The following SMAD7 variants were observed in gnomAD, a reference collection of about 807,000 sequenced individuals.
The protein encoded by SMAD7 is MAD (mothers against decapentaplegic, Drosophila) homolog 7.
In SMAD7, 8 loss-of-function variants were observed where a neutral mutation model predicts 38.7. That is an observed-to-expected ratio of 0.21 (90% CI 0.12 to 0.37). The LOEUF is 0.37. Ranked by LOEUF, SMAD7 falls within the 10% of genes least tolerant of loss-of-function variation. The pLI, the probability that SMAD7 is intolerant of heterozygous loss-of-function variation, is 1.00. For missense variants in SMAD7, 477 were observed against 577.9 expected, an observed-to-expected ratio of 0.83 and a Z score of 1.79; for synonymous variants, 327 against 265.1, an observed-to-expected ratio of 1.23 and a Z score of -2.27.
At chr18:48,924,666 C>T (rs2069904328) in intron 3 of SMAD7, among the ~76,000 whole-genome samples, 1 of 152,100 alleles carries the variant, frequency 6.6e-6, no homozygotes, top group Admixed American at 6.5e-5. Flanking sequence ...CATTTGGTGC[C>T]CTAACCCACC....
intron 3 of SMAD7, among the ~76,000 whole-genome samples, chr18:48,927,065 T>G (rs1360202573): frequency 6.6e-6 from 1 of 152,202 alleles, no homozygotes; most frequent in Non-Finnish European, 1.5e-5. Context: ...TAATCCACCA[T>G]GCTCACAGCC....
At chr18:48,922,916 A>G (rs1474812546) in intron 3 of SMAD7, among the ~76,000 whole-genome samples, 2 of 151,998 alleles carry the variant, frequency 1.3e-5, no homozygotes, top group Non-Finnish European at 2.9e-5. Context: ...TGGTAAGGTA[A>G]TTTTCCTCAA....
Position 48,921,090 on chromosome 18 carries a change from G to T in SMAD7, c.*282C>A. 1 of 453,654 alleles carries T rather than the reference G, an allele frequency of 2.2e-6. No individual in the cohort carries two copies. The highest frequency in any genetic ancestry group is 4.1e-5 in the East Asian group (1 of 24,452). 28.1% of individuals were successfully genotyped at this position (453,654 alleles called of 1,614,324 possible). ...CCCTTCATACACTGTGTTTGGTGGT[G>T]CTTGGATTTCTGCTTCCCCTCTTCC... On this transcript the variant is annotated 3_prime_UTR_variant, in exon 4 of 4. Transcript: ENST00000262158. This position sits in a 1 kb window ranked among gnomAD's most constrained non-coding sequence, Gnocchi z 6.4.
In SMAD7 at chr18:48,921,825, G is replaced by A. The variant is rs753336039; in HGVS notation, c.828C>T (p.Leu276=). The stretch of plus-strand genomic sequence containing the variant: ...CCAGAGAGGGCTCCTGGACACAGTA[G>A]AGCCTCCCCACTCTCGTCTTCTCCT... ...YWEEKTRVGR[L]YCVQEPSLDI... The change falls in exon 4 of 4, where the codon CTC becomes CTT. Residue 276 remains leucine (L), a synonymous_variant. Transcript: ENST00000262158. The surrounding 1 kb of genome is among the most constrained non-coding windows in gnomAD (Gnocchi z 6.4). The A allele has an allele frequency of 6.2e-7, 1 of 1,613,970 alleles. No individual in the cohort carries two copies. Among genetic ancestry groups the A allele is most frequent in the Non-Finnish European group, 8.5e-7 (1 of 1,179,950 alleles).
chr18:48,927,121 C>T (rs1166084130), intron 3 of SMAD7, among the ~76,000 whole-genome samples: 1 of 152,210 alleles, frequency 6.6e-6, no homozygotes, highest in Non-Finnish European at 1.5e-5. Context: ...TCAGACTCCT[C>T]AGGAAACACA....
At chr18:48,922,024 C>G (rs965489525) in intron 3 of SMAD7, 114 bp from the exon 4 acceptor site, 20 of 823,786 alleles carry the variant, frequency 2.4e-5, no homozygotes, top group Non-Finnish European at 3.4e-5. Flanking sequence ...CAGGACGAGA[C>G]AGAAAGAAGG....
intron 2 of SMAD7, 27 bp from the exon 3 acceptor site, chr18:48,942,582 GAAAT>G (rs2070153853): frequency 6.2e-7 from 1 of 1,613,448 alleles, no homozygotes; most frequent in South Asian, 1.1e-5. Flanking sequence ...GGGAGAGAAA[GAAAT>G]AAATACACAA....
intron 2 of SMAD7, among the ~76,000 whole-genome samples, chr18:48,947,321 G>T (rs1001486060): frequency 3.3e-5 from 5 of 152,216 alleles, no homozygotes; most frequent in African/African-American, 1.2e-4. Flanking sequence ...GTTCATTAAA[G>T]TATTTAATTT....
At chr18:48,923,036 T>C (rs2069882060) in intron 3 of SMAD7, among the ~76,000 whole-genome samples, 1 of 152,146 alleles carries the variant, frequency 6.6e-6, no homozygotes, top group African/African-American at 2.4e-5. Context: ...GCCTCAGACT[T>C]GGGACCATAA....
chr18:48,950,335 TC>T lies in SMAD7; in HGVS notation c.89del (p.Gly30GlufsTer63). 1 of 1,537,790 alleles carries T rather than the reference TC, an allele frequency of 6.5e-7. No homozygotes were observed. The highest frequency in any genetic ancestry group is 8.8e-7 in the Non-Finnish European group (1 of 1,141,978). On this transcript the variant is annotated frameshift_variant, in exon 1 of 4. Transcript: ENST00000262158. LOFTEE classifies it high-confidence loss of function. ...CCCGCAGCTCGCCTCCTCCTCCACC[TC>T]CCCCTGCGCCCTCCTCCTCGTCCTC... Reference protein sequence around the residue: ...GGEDEEEGAGGGGGGGELRGE... With the variant: ...GGEDEEEGAGXGGGGGELRGE...
intron 3 of SMAD7, among the ~76,000 whole-genome samples, chr18:48,931,927 G>T (rs537610000): frequency 1.3e-5 from 2 of 152,290 alleles, no homozygotes; most frequent in South Asian, 2.1e-4. Context: ...AAGGTGGGGG[G>T]GCTTCTGAGT....
At position 48,950,877 on chromosome 18, in the gene SMAD7, A is replaced by G. The variant is rs2070257103; in HGVS notation, c.-453T>C. Among the ~76,000 whole-genome samples, 1 of 151,582 alleles carries G rather than the reference A, an allele frequency of 6.6e-6. No individual in the cohort carries two copies. The highest frequency in any genetic ancestry group is 1.5e-5 in the Non-Finnish European group (1 of 67,906). ...AAGGTCCGCGGGGGCAAAAAACGAA[A>G]GGCGTTCGGCTGGGCTGTTGGAAGA... On this transcript the variant is annotated 5_prime_UTR_variant, in exon 1 of 4. Transcript: ENST00000262158.
intron 2 of SMAD7, among the ~76,000 whole-genome samples, chr18:48,945,592 G>A (rs759010309): frequency 2.0e-5 from 3 of 152,196 alleles, no homozygotes; most frequent in African/African-American, 7.2e-5. Context: ...TCATCATGCT[G>A]ATTTTAAAAG....
intron 2 of SMAD7, among the ~76,000 whole-genome samples, chr18:48,945,536 T>A (rs149721379): frequency 1.4e-3 from 214 of 152,296 alleles, no homozygotes; most frequent in African/African-American, 4.6e-3. Context: ...GTAAAATGAA[T>A]GACTGAACCA....
At position 48,950,550 on chromosome 18, in the gene SMAD7, G is replaced by C. The variant is rs1180936760; in HGVS notation, c.-126C>G. 5 of 887,714 alleles carry C rather than the reference G, an allele frequency of 5.6e-6. No homozygotes were observed. The highest frequency in any genetic ancestry group is 7.9e-6 in the Non-Finnish European group (5 of 635,874). 55.0% of individuals were successfully genotyped at this position (887,714 alleles called of 1,614,324 possible). On this transcript the variant is annotated 5_prime_UTR_variant, in exon 1 of 4. Coordinates refer to ENST00000262158, the MANE Select transcript of SMAD7 (RefSeq NM_005904.4). ...CGCAGGCGACAGCAGCAGCAGCAGGGGCCCGGGCAGGAGCGGCGGCGGCCC... is the reference window on the plus strand; with the variant it reads ...CGCAGGCGACAGCAGCAGCAGCAGGCGCCCGGGCAGGAGCGGCGGCGGCCC...
intron 2 of SMAD7, among the ~76,000 whole-genome samples, chr18:48,946,500 C>A (rs2070197479): frequency 6.6e-6 from 1 of 152,042 alleles, no homozygotes; most frequent in Admixed American, 6.6e-5. Context: ...TTCGTGGGGG[C>A]TTTGTCTATT....
intron 3 of SMAD7, among the ~76,000 whole-genome samples, chr18:48,939,047 C>T (rs773827009): frequency 5.9e-5 from 9 of 152,148 alleles, no homozygotes; most frequent in Non-Finnish European, 1.2e-4. Context: ...CCCACCCCAG[C>T]GACAGGGACC....
In SMAD7 at chr18:48,921,205, C is replaced by G. The variant is rs2069854052; in HGVS notation, c.*167G>C. The G allele has an allele frequency of 1.6e-6, 1 of 624,940 alleles. No individual in the cohort carries two copies. Among genetic ancestry groups the G allele is most frequent in the East Asian group, 2.8e-5 (1 of 35,210 alleles). The allele number at this position is 624,940 out of a possible 1,614,324, so 38.7% of individuals were successfully genotyped here. A position where few individuals can be genotyped will look rare whatever the true frequency, so the allele number is the denominator to read the frequency against. On this transcript the variant is annotated 3_prime_UTR_variant, in exon 4 of 4. Transcript: ENST00000262158. The surrounding 1 kb of genome is among the most constrained non-coding windows in gnomAD (Gnocchi z 6.4). ...ATAAGCTATTTCTCAAAGAGCGAAA[C>G]AAAACAGAACACAAACGAGGACGAG...
chr18:48,934,959 C>T (rs1215604616), intron 3 of SMAD7, among the ~76,000 whole-genome samples: 2 of 152,302 alleles, frequency 1.3e-5, no homozygotes, highest in East Asian at 1.9e-4. Flanking sequence ...TCCTCAACAC[C>T]GCTGAAAGTC....
Sources: gnomAD v4.1 joint callset for allele counts (sites outside exome capture counted in the v4.1 genomes callset) on GRCh38, gnomAD v4.1.1 for gene constraint, Gnocchi (gnomAD v3.1) non-coding constraint, MANE v1.5 for transcripts, NCBI Gene and HGNC (gene_info 2026-07-23, HGNC 2026-07-21) for gene names.